Variants in TMEM185A observed in about 807,000 individuals in gnomAD.
TMEM185A encodes family with sequence similarity 11, member A.
In TMEM185A, 9 loss-of-function variants were observed where a neutral mutation model predicts 25.0. The observed-to-expected ratio is 0.36, with a 90% CI of 0.22 to 0.63. The LOEUF is 0.63. TMEM185A is among the 20% of genes least tolerant of loss of function. The pLI is 0.68. For missense variants in TMEM185A, 103 were observed against 237.4 expected (o/e 0.43, Z 3.72); for synonymous variants, 45 against 93.5 (o/e 0.48, Z 2.99).
chrX:149,598,819 T>C (rs2090004718), intron 6 of TMEM185A, among the ~76,000 whole-genome samples: 1 of 79,068 alleles, frequency 1.3e-5, no homozygotes, highest in Non-Finnish European at 2.2e-5. Context: ...TTAAAGCCAC[T>C]TTCCCAGTCC....
intron 2 of TMEM185A, among the ~76,000 whole-genome samples, chrX:149,609,691 T>C (rs1569560989): frequency 8.9e-6 from 1 of 112,341 alleles, no homozygotes; most frequent in Non-Finnish European, 1.9e-5. Flanking sequence ...GAAAATGCTA[T>C]CAGAGGTTAT....
At chrX:149,613,635 C>T (rs782405100) in intron 1 of TMEM185A, among the ~76,000 whole-genome samples, 3 of 112,379 alleles carry the variant, frequency 2.7e-5, no homozygotes, top group East Asian at 2.8e-4. Flanking sequence ...GTGCTGTACC[C>T]GGACTTCTGA....
At chrX:149,616,415 A>G (rs2090110709) in intron 1 of TMEM185A, among the ~76,000 whole-genome samples, 1 of 111,882 alleles carries the variant, frequency 8.9e-6, no homozygotes, top group East Asian at 2.8e-4. Context: ...TGGAGACTCT[A>G]TGGGAGAATC....
At chrX:149,625,552 G>T (rs2090159291) in intron 1 of TMEM185A, among the ~76,000 whole-genome samples, 1 of 112,484 alleles carries the variant, frequency 8.9e-6, no homozygotes, top group Non-Finnish European at 1.9e-5. Context: ...TTGAGAACCT[G>T]CAGTCTGATC....
intron 3 of TMEM185A, among the ~76,000 whole-genome samples, chrX:149,606,481 C>T (rs781851510): frequency 4.4e-5 from 5 of 112,715 alleles, no homozygotes; most frequent in African/African-American, 1.6e-4. Context: ...GAGGACGTGG[C>T]CCCTATTTGC....
At chrX:149,615,541 C>T (rs1320792645) in intron 1 of TMEM185A, among the ~76,000 whole-genome samples, 4 of 109,877 alleles carry the variant, frequency 3.6e-5, no homozygotes, top group African/African-American at 9.9e-5. Flanking sequence ...CATGATATTC[C>T]GTGTAGGAAA....
intron 4 of TMEM185A, among the ~76,000 whole-genome samples, chrX:149,602,961 A>C (rs782572127): frequency 1.8e-5 from 2 of 112,231 alleles, no homozygotes; most frequent in African/African-American, 3.2e-5. Context: ...TCACTTTTTA[A>C]GGGTAGCTAT....
intron 1 of TMEM185A, among the ~76,000 whole-genome samples, chrX:149,613,688 G>T (rs1381361454): frequency 2.7e-5 from 3 of 112,247 alleles, no homozygotes; most frequent in Non-Finnish European, 3.8e-5. Flanking sequence ...CAGCAGAAAC[G>T]AATGCTAATA....
intron 1 of TMEM185A, among the ~76,000 whole-genome samples, chrX:149,629,289 C>G (rs1421461343): frequency 9.0e-6 from 1 of 111,160 alleles, no homozygotes; most frequent in African/African-American, 3.3e-5. Context: ...TGAATTGGTT[C>G]AAAAATAGAG....
chrX:149,613,456 C>A (rs2090094955), intron 1 of TMEM185A, among the ~76,000 whole-genome samples: 1 of 111,950 alleles, frequency 8.9e-6, no homozygotes. Flanking sequence ...AGCTGACAGC[C>A]AGCAAGGTAA....
At position 149,596,595 on chromosome X, in the gene TMEM185A, C is replaced by CA. The variant is rs1480736208; in HGVS notation, c.*1415dup. The CA allele has an allele frequency of 7.2e-5, 6 of 83,521 alleles. No homozygotes were observed. The highest frequency in any genetic ancestry group is 1.4e-4 in the Admixed American group (1 of 7,305). 6.9% of individuals were successfully genotyped at this position (83,521 alleles called of 1,213,427 possible). A position where few individuals can be genotyped will look rare whatever the true frequency, so the allele number is the denominator to read the frequency against. On this transcript the variant is annotated 3_prime_UTR_variant, in exon 7 of 7. Transcript: ENST00000600449. ...GGTTTATTGAACAGCTTAAGGAGAG[C>CA]AAAAATAGTGGCTTTAGCTACATTT...
At chrX:149,599,169 A>G (rs2090006564) in intron 6 of TMEM185A, among the ~76,000 whole-genome samples, 1 of 97,525 alleles carries the variant, frequency 1.0e-5, no homozygotes, top group Admixed American at 1.0e-4. Flanking sequence ...AGCGGCCAAC[A>G]GGGACCTAGG....
intron 2 of TMEM185A, among the ~76,000 whole-genome samples, chrX:149,609,185 A>G (rs1440240030): frequency 8.9e-6 from 1 of 112,633 alleles, no homozygotes; most frequent in African/African-American, 3.2e-5. Context: ...AGTTACTTCC[A>G]AGATTATTCA....
intron 3 of TMEM185A, 81 bp downstream of exon 3, chrX:149,608,546 G>A: frequency 1.0e-6 from 1 of 986,774 alleles, no homozygotes; most frequent in Non-Finnish European, 1.4e-6. Flanking sequence ...GGCCAGGCTG[G>A]TCTCAAACTC....
Position 149,631,438 on chromosome X carries a change from C to T in TMEM185A, c.38+105G>A, listed in dbSNP as rs2124247637. The T allele has an allele frequency of 5.1e-6, 5 of 974,661 alleles. No homozygotes were observed. In the East Asian group the frequency reaches 2.1e-4, roughly 41 times the overall value. 80.3% of individuals were successfully genotyped at this position (974,661 alleles called of 1,213,427 possible). ...GGAGGCTCGGGCAGGCGCCCGGGTC[C>T]TCGGGCTGCAGCATCTCGCCCGCCG... On this transcript the variant is annotated intron_variant, in intron 1 of 6. Coordinates refer to ENST00000600449, the MANE Select transcript of TMEM185A (RefSeq NM_032508.4).
At position 149,608,671 on chromosome X, in the gene TMEM185A, C is replaced by T; in HGVS notation, c.379G>A (p.Val127Ile). Residue 127 changes from valine (V) to isoleucine (I), a missense_variant, in exon 3 of 7, where the codon GTT becomes ATT. By Grantham distance (29) the Val-to-Ile change is conservative. Coordinates refer to ENST00000600449, the MANE Select transcript of TMEM185A (RefSeq NM_032508.4). Reference protein sequence around the residue: ...MPLFFVSPVSVAACVWGFRHD... With the variant: ...MPLFFVSPVSIAACVWGFRHD... ...CGAAAGCCCCAAACGCAAGCTGCAA[C>T]AGACACCGGGGAAACAAAGAACAGC... 8.3e-7 allele frequency: 1 copy of T among 1,211,766 alleles called. No individual in the cohort carries two copies. Among genetic ancestry groups the T allele is most frequent in the Non-Finnish European group, 1.1e-6 (1 of 895,565 alleles).
At chrX:149,623,906 G>A (rs951781562) in intron 1 of TMEM185A, among the ~76,000 whole-genome samples, 1 of 112,448 alleles carries the variant, frequency 8.9e-6, no homozygotes, top group Non-Finnish European at 1.9e-5. Context: ...TGCAAGCAAA[G>A]TCTAAAAGGT....
intron 2 of TMEM185A, among the ~76,000 whole-genome samples, chrX:149,610,880 T>C (rs181194327): frequency 8.5e-4 from 95 of 112,236 alleles, no homozygotes; most frequent in Non-Finnish European, 6.0e-4. Flanking sequence ...GTCCTAAAGC[T>C]CTGGGACTAG....
At chrX:149,604,646 C>G (rs192534462) in intron 3 of TMEM185A, among the ~76,000 whole-genome samples, 1 of 111,244 alleles carries the variant, frequency 9.0e-6, no homozygotes, top group East Asian at 2.8e-4. Context: ...ATCCTTTGAT[C>G]CAAGACCCCT....
Sources: gnomAD v4.1 joint callset for allele counts (sites outside exome capture counted in the v4.1 genomes callset) on GRCh38, gnomAD v4.1.1 for gene constraint, MANE v1.5 for transcripts, NCBI Gene and HGNC (gene_info 2026-07-23, HGNC 2026-07-21) for gene names.